SRGAP2: variants seen among roughly 807,000 people sequenced by gnomAD.
The protein encoded by SRGAP2 is SLIT-ROBO Rho GTPase-activating protein 2.
SRGAP2 carries 15 observed loss-of-function variants against 57.2 expected under a neutral mutation model. The observed-to-expected ratio is 0.26, with a 90% CI of 0.18 to 0.40. The LOEUF is 0.40. Among genes scored for constraint, SRGAP2 ranks in the 10% least tolerant of loss-of-function variants. SRGAP2 has a pLI of 1.00. For synonymous variants in SRGAP2, 249 were observed against 248.0 expected, an observed-to-expected ratio of 1.00 and a Z score of -0.04; for missense variants, 520 against 669.6, an observed-to-expected ratio of 0.78 and a Z score of 2.47.
intron 2 of SRGAP2, among the ~76,000 whole-genome samples, chr1:206,284,620 G>A (rs1670918180): frequency 1.3e-5 from 2 of 151,734 alleles, no homozygotes; most frequent in South Asian, 4.2e-4. Flanking sequence ...GCTAATTTTT[G>A]TATTGTTTTG....
intron 2 of SRGAP2, among the ~76,000 whole-genome samples, chr1:206,252,379 T>TAG (rs1272109366): frequency 1.3e-5 from 2 of 151,594 alleles, no homozygotes; most frequent in African/African-American, 4.9e-5. Context: ...ATGTAATTTT[T>TAG]TAGTTTCTCC....
intron 2 of SRGAP2, among the ~76,000 whole-genome samples, chr1:206,233,115 CCT>C (rs1468479819): frequency 2.6e-5 from 4 of 152,156 alleles, no homozygotes; most frequent in African/African-American, 9.7e-5. Context: ...CCCAACTCCC[CCT>C]GTCTTTTGAT....
chr1:206,341,727 G>A (rs1201190943), intron 3 of SRGAP2, among the ~76,000 whole-genome samples: 1 of 152,212 alleles, frequency 6.6e-6, no homozygotes, highest in Non-Finnish European at 1.5e-5. Context: ...GCTGGGCGCG[G>A]TGGCTCACTC....
intron 10 of SRGAP2, among the ~76,000 whole-genome samples, chr1:206,411,095 C>T (rs887194370): frequency 2.6e-5 from 4 of 152,174 alleles, no homozygotes; most frequent in South Asian, 4.1e-4. Flanking sequence ...CTCCTGACCT[C>T]GTGATCCGCC....
At chr1:206,426,936 G>A (rs1271793229) in intron 13 of SRGAP2, among the ~76,000 whole-genome samples, 5 of 152,104 alleles carry the variant, frequency 3.3e-5, no homozygotes, top group South Asian at 2.1e-4. Context: ...TCTGTTGATC[G>A]TTTCCTTTGC....
intron 22 of SRGAP2, among the ~76,000 whole-genome samples, chr1:206,459,444 T>C (rs1048029612): frequency 6.6e-6 from 1 of 152,176 alleles, no homozygotes; most frequent in Non-Finnish European, 1.5e-5. Flanking sequence ...TAAAAAATAC[T>C]CTGGCTGCAG....
Position 206,297,449 on chromosome 1 carries a change from G to T in SRGAP2, c.68-5832G>T, listed in dbSNP as rs1443241066. The stretch of plus-strand genomic sequence containing the variant: ...ATTCTTATGTAACATTCTCTGGAAA[G>T]GTACTAGGAATTAATATTCCTGAGA... On this transcript the variant is annotated intron_variant, in intron 2 of 22. Transcript: ENST00000573034. Among the ~76,000 whole-genome samples the T allele has an allele frequency of 3.8e-5, 3 of 79,482 alleles. 1 individual carries two copies. Among genetic ancestry groups the T allele is most frequent in the Non-Finnish European group, 4.3e-5 (2 of 45,986 alleles). 52.1% of individuals were successfully genotyped at this position (79,482 alleles called of 152,430 possible). A position where few individuals can be genotyped will look rare whatever the true frequency, so the allele number is the denominator to read the frequency against.
intron 4 of SRGAP2, among the ~76,000 whole-genome samples, chr1:206,357,498 T>G (rs1406835072): frequency 6.6e-6 from 1 of 151,658 alleles, no homozygotes; most frequent in Non-Finnish European, 1.5e-5. Flanking sequence ...TTTTAAATGT[T>G]GCCTATATGA....
intron 4 of SRGAP2, among the ~76,000 whole-genome samples, chr1:206,354,515 A>G (rs552362786): frequency 2.0e-5 from 3 of 152,296 alleles, no homozygotes; most frequent in African/African-American, 7.2e-5. Flanking sequence ...ACGACCAACT[A>G]TCCTGTTTGC....
In SRGAP2 at chr1:206,419,373, G is replaced by C; in HGVS notation, c.1442G>C (p.Ser481Thr). The C allele has an allele frequency of 1.3e-6, 1 of 780,760 alleles. No individual in the cohort carries two copies. 48.4% of individuals were successfully genotyped at this position (780,760 alleles called of 1,614,324 possible). ...CTTTTTGCCTTTGTGTTTCCAACAGGTCAGCGGACAGATTGCAGTCTAGCC... is the reference window on the plus strand; with the variant it reads ...CTTTTTGCCTTTGTGTTTCCAACAGCTCAGCGGACAGATTGCAGTCTAGCC... ...HDLLQKTLGE[S>T]QRTDCSLARR... is the part of the protein sequence containing the mutation. The change falls in exon 12 of 23, where the codon AGT (serine) becomes ACT (threonine). Residue 481 changes from serine (S) to threonine (T), a missense_variant and splice_region_variant. By Grantham distance (58) the Ser-to-Thr change is moderately conservative (BLOSUM62 1). Transcript: ENST00000573034.
intron 5 of SRGAP2, among the ~76,000 whole-genome samples, chr1:206,386,579 C>T (rs1425057826): frequency 1.6e-5 from 2 of 126,270 alleles, no homozygotes; most frequent in Non-Finnish European, 3.3e-5. Flanking sequence ...AGGCAGATCA[C>T]GAGGTCAGGA....
intron 4 of SRGAP2, among the ~76,000 whole-genome samples, chr1:206,370,256 A>T (rs1363134428): frequency 1.3e-5 from 2 of 150,852 alleles, no homozygotes; most frequent in Non-Finnish European, 2.9e-5. Flanking sequence ...ACAGAGCGAG[A>T]CTCCATCTCA....
chr1:206,281,549 G>A lies in SRGAP2; in HGVS notation c.68-21732G>A, dbSNP rs1278937946. 7.0e-3 allele frequency among the ~76,000 whole-genome samples: 870 copies of A among 124,560 alleles called. 19 individuals are homozygous for A. Among genetic ancestry groups the A allele is most frequent in the African/African-American group, 0.031 (818 of 26,014 alleles). The allele number at this position is 124,560 out of a possible 152,430, so 81.7% of individuals were successfully genotyped here. A position where few individuals can be genotyped will look rare whatever the true frequency, so the allele number is the denominator to read the frequency against. Reference sequence around the variant, plus strand: ...CTGGCAAACATAGTAATAAGAATTTGAGACTGGGTGCGGTGGCTCATGCCT... The same window carrying A: ...CTGGCAAACATAGTAATAAGAATTTAAGACTGGGTGCGGTGGCTCATGCCT... On this transcript the variant is annotated intron_variant, in intron 2 of 22. Coordinates refer to ENST00000573034, the MANE Select transcript of SRGAP2 (RefSeq NM_015326.5).
chr1:206,359,892 C>T (rs1189058834), intron 4 of SRGAP2, among the ~76,000 whole-genome samples: 1 of 143,538 alleles, frequency 7.0e-6, no homozygotes, highest in African/African-American at 2.6e-5. Context: ...CTGCAAGCTC[C>T]GCCTCCCGGG....
chr1:206,258,391 TA>T (rs1669324362), intron 2 of SRGAP2, among the ~76,000 whole-genome samples: 1 of 151,928 alleles, frequency 6.6e-6, no homozygotes, highest in Admixed American at 6.6e-5. Flanking sequence ...TTAAATGATC[TA>T]ATTTAAGTTT....
At chr1:206,239,469 C>A (rs1668075221) in intron 2 of SRGAP2, among the ~76,000 whole-genome samples, 1 of 152,016 alleles carries the variant, frequency 6.6e-6, no homozygotes. Context: ...TTTTTTCTTT[C>A]TTTTTTGAGA....
At chr1:206,226,385 TA>T in intron 2 of SRGAP2, among the ~76,000 whole-genome samples, 1 of 152,178 alleles carries the variant, frequency 6.6e-6, no homozygotes, top group Non-Finnish European at 1.5e-5. Flanking sequence ...TCTTTCTGTG[TA>T]ACAGAGATTA....
Position 206,464,217 on chromosome 1 carries a change from A to G in SRGAP2, c.*2797A>G, listed in dbSNP as rs1252351258. 6.6e-6 allele frequency: 1 copy of G among 152,658 alleles called. No homozygotes were observed. The highest frequency in any genetic ancestry group is 1.5e-5 in the Non-Finnish European group (1 of 68,046). 9.5% of individuals were successfully genotyped at this position (152,658 alleles called of 1,614,324 possible). On this transcript the variant is annotated 3_prime_UTR_variant, in exon 23 of 23. Coordinates refer to ENST00000573034, the MANE Select transcript of SRGAP2 (RefSeq NM_015326.5). The stretch of plus-strand genomic sequence containing the variant: ...GGTGCAGATCTACTTCCCATGCAGA[A>G]GAGAAGTCACATCTTCCAGGGAATC...
chr1:206,369,143 G>C (rs1654297886), intron 4 of SRGAP2, among the ~76,000 whole-genome samples: 1 of 152,030 alleles, frequency 6.6e-6, no homozygotes, highest in African/African-American at 2.4e-5. Context: ...AGACCCACAG[G>C]AGATCCTAGT....
Sources: allele counts gnomAD v4.1 joint callset (sites outside exome capture counted in the v4.1 genomes callset), GRCh38; gene constraint gnomAD v4.1.1; transcripts MANE v1.5; gene names NCBI Gene and HGNC (gene_info 2026-07-23, HGNC 2026-07-21).